DENND1A: variants seen among roughly 807,000 people sequenced by gnomAD.
DENND1A encodes the protein DENN domain containing 1A, also known as DENN domain-containing protein 1A.
In DENND1A, 51 loss-of-function variants were observed where a neutral mutation model predicts 113.7. The observed-to-expected ratio is 0.45, with a 90% CI of 0.36 to 0.57. The LOEUF is 0.57. Ranked by LOEUF, DENND1A falls within the 20% of genes least tolerant of loss-of-function variation. The pLI is 0.00. For synonymous variants in DENND1A, 565 were observed against 570.8 expected (o/e 0.99, Z 0.14); for missense variants, 1,258 against 1,395.9 (o/e 0.90, Z 1.57).
chr9:123,909,787 T>TA (rs963857987), intron 1 of DENND1A, among the ~76,000 whole-genome samples: 46 of 151,836 alleles, frequency 3.0e-4, no homozygotes, highest in Admixed American at 1.3e-3. Context: ...ACATATAAAA[T>TA]AAAAAAAACC....
chr9:123,627,285 G>A (rs1007530056), intron 10 of DENND1A, among the ~76,000 whole-genome samples: 3 of 152,230 alleles, frequency 2.0e-5, no homozygotes, highest in African/African-American at 7.2e-5. Context: ...GCAGGGAACT[G>A]GTGAAAAACC....
intron 2 of DENND1A, among the ~76,000 whole-genome samples, chr9:123,856,564 C>T (rs1392070964): frequency 2.0e-5 from 3 of 152,114 alleles, no homozygotes; most frequent in Non-Finnish European, 4.4e-5. Context: ...AAGGAACTTT[C>T]CATGCAGGGG....
At chr9:123,857,621 C>G (rs1009801326) in intron 2 of DENND1A, among the ~76,000 whole-genome samples, 1 of 152,198 alleles carries the variant, frequency 6.6e-6, no homozygotes, top group Non-Finnish European at 1.5e-5. Flanking sequence ...AGCATCACTT[C>G]TATAATATTT....
In DENND1A at chr9:123,430,982, GAC is replaced by G. The variant is rs761374450; in HGVS notation, c.1488+9376_1488+9377del. Among the ~76,000 whole-genome samples, 62 of 152,130 alleles carry G rather than the reference GAC, an allele frequency of 4.1e-4. 1 individual carries two copies. Among genetic ancestry groups the G allele is most frequent in the Non-Finnish European group, 7.8e-4 (53 of 68,032 alleles). On this transcript the variant is annotated intron_variant, in intron 19 of 23. Coordinates refer to ENST00000394215, the MANE Select transcript of DENND1A (RefSeq NM_001352964.2). ...CATGCCACTGCACTCTAGCCTGGGT[GAC>G]AGAGTGAGGCCCTGTCTCAAGCAAA...
chr9:123,669,892 T>C (rs1440085596), intron 7 of DENND1A, among the ~76,000 whole-genome samples: 1 of 152,166 alleles, frequency 6.6e-6, no homozygotes, highest in Non-Finnish European at 1.5e-5. Flanking sequence ...TCTCTCCCTC[T>C]CCTTCCACAC....
chr9:123,591,159 G>A (rs746020406), intron 11 of DENND1A, among the ~76,000 whole-genome samples: 2 of 152,144 alleles, frequency 1.3e-5, no homozygotes, highest in South Asian at 2.1e-4. Context: ...AGATGGTATT[G>A]AGCCTTACTT....
At position 123,583,118 on chromosome 9, in the gene DENND1A, T is replaced by C. The variant is rs74596687; in HGVS notation, c.867+51A>G. Reference sequence around the variant, plus strand: ...CCCCATTCCCCAAAGTCACGTTCATTTCCTTTGCAGGAGCTCACAGAAGTG... The same window carrying C: ...CCCCATTCCCCAAAGTCACGTTCATCTCCTTTGCAGGAGCTCACAGAAGTG... On this transcript the variant is annotated intron_variant, in intron 12 of 23. Coordinates refer to ENST00000394215, the MANE Select transcript of DENND1A (RefSeq NM_001352964.2). 12,247 of 1,390,060 alleles carry C rather than the reference T, an allele frequency of 8.8e-3. 176 individuals carry two copies. Among genetic ancestry groups the C allele is most frequent in the South Asian group, 0.045 (3,607 of 79,754 alleles). 86.1% of individuals were successfully genotyped at this position (1,390,060 alleles called of 1,614,324 possible).
intron 2 of DENND1A, among the ~76,000 whole-genome samples, chr9:123,817,242 G>A (rs769794172): frequency 9.2e-5 from 14 of 152,028 alleles, no homozygotes; most frequent in African/African-American, 2.7e-4. Flanking sequence ...ACCTTCCCTA[G>A]AACTGCTTTG....
At chr9:123,472,861 G>A (rs1268898468) in intron 13 of DENND1A, among the ~76,000 whole-genome samples, 1 of 152,176 alleles carries the variant, frequency 6.6e-6, no homozygotes, top group Non-Finnish European at 1.5e-5. Flanking sequence ...TGTGTGTGCT[G>A]GGCCCTCTGT....
chr9:123,539,402 T>C (rs1482615066), intron 13 of DENND1A, among the ~76,000 whole-genome samples: 2 of 152,224 alleles, frequency 1.3e-5, no homozygotes, highest in South Asian at 2.1e-4. Context: ...AAAAGTCATA[T>C]ATTTTTAAAA....
intron 3 of DENND1A, among the ~76,000 whole-genome samples, chr9:123,778,971 TA>T (rs1309989672): frequency 6.6e-6 from 1 of 152,208 alleles, no homozygotes; most frequent in Non-Finnish European, 1.5e-5. Context: ...GTTTAAAGTA[TA>T]AATAATTAAA....
intron 9 of DENND1A, among the ~76,000 whole-genome samples, chr9:123,644,384 A>AC (rs1274392161): frequency 2.0e-5 from 3 of 150,368 alleles, no homozygotes; most frequent in Non-Finnish European, 4.4e-5. Flanking sequence ...GCTACAAAAA[A>AC]AAAAAAAAAA....
chr9:123,516,105 C>T (rs936890770), intron 13 of DENND1A, among the ~76,000 whole-genome samples: 1 of 34,460 alleles, frequency 2.9e-5, no homozygotes, highest in South Asian at 1.3e-3. Context: ...TATACACACA[C>T]ATACACACAC....
chr9:123,472,406 T>A (rs113791111), intron 13 of DENND1A, among the ~76,000 whole-genome samples: 1 of 152,128 alleles, frequency 6.6e-6, no homozygotes, highest in East Asian at 1.9e-4. Context: ...GGGCACGTCA[T>A]GGACAGGGTG....
chr9:123,393,424 A>G (rs938908031), intron 21 of DENND1A, among the ~76,000 whole-genome samples: 3 of 152,138 alleles, frequency 2.0e-5, no homozygotes, highest in Admixed American at 6.5e-5. Flanking sequence ...GAGATTCCAC[A>G]GCAAAGGAAT....
intron 4 of DENND1A, among the ~76,000 whole-genome samples, chr9:123,766,646 C>T (rs1248429673): frequency 6.6e-6 from 1 of 152,170 alleles, no homozygotes; most frequent in Non-Finnish European, 1.5e-5. Flanking sequence ...AGGTTGTGCT[C>T]AGAGAACCTT....
At chr9:123,837,629 T>C (rs1841232181) in intron 2 of DENND1A, among the ~76,000 whole-genome samples, 1 of 152,178 alleles carries the variant, frequency 6.6e-6, no homozygotes, top group African/African-American at 2.4e-5. Context: ...TTCAACACTA[T>C]ATAAAGAAGG....
intron 19 of DENND1A, chr9:123,414,249 A>T (rs1045208343): frequency 2.0e-5 from 25 of 1,273,546 alleles, no homozygotes; most frequent in Non-Finnish European, 2.5e-5. Context: ...GTGTCCTGTT[A>T]GGAAGATTCA....
chr9:123,665,922 A>C (rs2063473776), intron 8 of DENND1A, among the ~76,000 whole-genome samples: 1 of 152,222 alleles, frequency 6.6e-6, no homozygotes, highest in African/African-American at 2.4e-5. Context: ...TGAACTTTGA[A>C]GGTATTATGC....
Sources: gnomAD v4.1 joint callset for allele counts (sites outside exome capture counted in the v4.1 genomes callset) on GRCh38, gnomAD v4.1.1 for gene constraint, MANE v1.5 for transcripts, NCBI Gene and HGNC (gene_info 2026-07-23, HGNC 2026-07-21) for gene names.